RELCH: variants seen among roughly 807,000 people sequenced by gnomAD.
RELCH encodes the protein RAB11-binding protein RELCH.
RELCH carries 41 observed loss-of-function variants against 150.3 expected under a neutral mutation model. The ratio of observed to expected loss-of-function variants is 0.27; its 90% CI spans 0.21 to 0.35. The LOEUF (loss-of-function observed/expected upper bound fraction) is 0.35, where lower values mean the gene tolerates loss of function less well. Ranked by LOEUF, RELCH falls within the 10% of genes least tolerant of loss-of-function variation. RELCH has a pLI of 1.00. For missense variants in RELCH, 1,092 were observed against 1,467.8 expected (o/e 0.74, Z 4.18); for synonymous variants, 478 against 531.8 (o/e 0.90, Z 1.39).
chr18:62,192,990 G>A (rs923536151), intron 1 of RELCH, among the ~76,000 whole-genome samples: 1 of 152,180 alleles, frequency 6.6e-6, no homozygotes, highest in Non-Finnish European at 1.5e-5. Flanking sequence ...CCATTTTCAT[G>A]ATATTGATTC....
chr18:62,286,885 A>G (rs2044831750), intron 25 of RELCH, among the ~76,000 whole-genome samples: 1 of 152,232 alleles, frequency 6.6e-6, no homozygotes, highest in South Asian at 2.1e-4. Context: ...AATTTGAGAA[A>G]CTAAAGCTGA....
At chr18:62,252,621 C>G in intron 11 of RELCH, 43 bp from the exon 12 acceptor site, 1 of 1,468,636 alleles carries the variant, frequency 6.8e-7, no homozygotes, top group Non-Finnish European at 9.5e-7. Flanking sequence ...CCTAGTTGTG[C>G]TTTCTCATGC....
intron 25 of RELCH, among the ~76,000 whole-genome samples, chr18:62,282,689 G>C (rs937135675): frequency 6.6e-6 from 1 of 152,048 alleles, no homozygotes; most frequent in South Asian, 2.1e-4. Flanking sequence ...ACAGAGTCTC[G>C]CTCTGTCACC....
At chr18:62,247,746 C>T (rs2042495802) in intron 11 of RELCH, among the ~76,000 whole-genome samples, 1 of 151,982 alleles carries the variant, frequency 6.6e-6, no homozygotes, top group African/African-American at 2.4e-5. Context: ...AGGGTTTCGT[C>T]TTGTTGCCCA....
At position 62,268,889 on chromosome 18, in the gene RELCH, G is replaced by A; in HGVS notation, c.2701G>A (p.Val901Ile). The part of the protein sequence containing the change: ...ENIDSSAGNG[V>I]LTKATVPIYA... ...TTTAGATTCCTCAGCAGGAAATGGG[G>A]TCCTCACTAAAGCTACAGTCCCCAT... The change falls in exon 20 of 29, where the codon GTC (valine) becomes ATC (isoleucine). Residue 901 changes from valine (V) to isoleucine (I), a missense_variant. This residue lies in a region of RELCH where 707 missense variants were observed against 1,025.4 expected (regional missense o/e 0.69). Coordinates refer to ENST00000644646, the MANE Select transcript of RELCH (RefSeq NM_001346231.2). The A allele has an allele frequency of 6.5e-7, 1 of 1,536,160 alleles. No individual in the cohort carries two copies. Among genetic ancestry groups the A allele is most frequent in the Non-Finnish European group, 8.8e-7 (1 of 1,134,692 alleles).
chr18:62,207,565 C>T (rs557173520), intron 1 of RELCH, among the ~76,000 whole-genome samples: 40 of 152,308 alleles, frequency 2.6e-4, no homozygotes, highest in African/African-American at 9.6e-4. Context: ...TAAGAAACTG[C>T]TAAACTGTAT....
At chr18:62,232,148 G>C (rs752715397) in intron 9 of RELCH, among the ~76,000 whole-genome samples, 184 bp from the exon 10 acceptor site, 3 of 151,604 alleles carry the variant, frequency 2.0e-5, no homozygotes, top group Non-Finnish European at 4.4e-5. Context: ...GTTGATTGGA[G>C]CACTGTTGCT....
chr18:62,276,381 A>T (rs1020974225), intron 22 of RELCH, among the ~76,000 whole-genome samples: 13 of 152,146 alleles, frequency 8.5e-5, no homozygotes, highest in African/African-American at 3.1e-4. Flanking sequence ...TAAACTAATT[A>T]ATGCTTGTAA....
At chr18:62,195,277 A>T (rs1420706261) in intron 1 of RELCH, among the ~76,000 whole-genome samples, 15 of 124,168 alleles carry the variant, frequency 1.2e-4, no homozygotes, top group African/African-American at 5.3e-4. Context: ...ATATACACAC[A>T]CTCTGTGTGT....
At chr18:62,259,288 GTATTA>G (rs2043141054) in intron 15 of RELCH, among the ~76,000 whole-genome samples, 1 of 151,890 alleles carries the variant, frequency 6.6e-6, no homozygotes, top group Non-Finnish European at 1.5e-5. Flanking sequence ...GAGAGGGGAA[GTATTA>G]TAGCATGAAA....
chr18:62,208,562 A>G (rs187267496), intron 1 of RELCH, among the ~76,000 whole-genome samples: 1 of 151,960 alleles, frequency 6.6e-6, no homozygotes, highest in East Asian at 1.9e-4. Context: ...TATATAGGTA[A>G]AGTTGTGTTA....
intron 10 of RELCH, among the ~76,000 whole-genome samples, chr18:62,239,666 G>A (rs73458531): frequency 4.7e-4 from 72 of 151,918 alleles, no homozygotes; most frequent in African/African-American, 1.7e-3. Flanking sequence ...GCACAGTTCC[G>A]GTCTGTCCCC....
At chr18:62,295,738 A>T (rs1044494606) in intron 27 of RELCH, among the ~76,000 whole-genome samples, 1 of 151,688 alleles carries the variant, frequency 6.6e-6, no homozygotes, top group African/African-American at 2.4e-5. Flanking sequence ...TGCCAAGCTA[A>T]TTTTTTGTAT....
chr18:62,243,880 C>A (rs1306597879), intron 10 of RELCH, among the ~76,000 whole-genome samples: 2 of 151,924 alleles, frequency 1.3e-5, no homozygotes, highest in Non-Finnish European at 2.9e-5. Context: ...AGTCATTCTT[C>A]CCTTCTTAAT....
chr18:62,232,311 A>G lies in RELCH; in HGVS notation c.1525-21A>G, dbSNP rs749544307. On this transcript the variant is annotated intron_variant, in intron 9 of 28. Coordinates refer to ENST00000644646, the MANE Select transcript of RELCH (RefSeq NM_001346231.2). ...CAGAAGTTCTCCACTATCATTGTTT[A>G]TTAATTCTTTGGTTTTCTAGGTGTC... The G allele has an allele frequency of 4.6e-6, 7 of 1,513,086 alleles. No homozygotes were observed. The East Asian group carries it at 1.6e-4, about 34-fold the overall frequency. 93.7% of individuals were successfully genotyped at this position (1,513,086 alleles called of 1,614,324 possible). A position where few individuals can be genotyped will look rare whatever the true frequency, so the allele number is the denominator to read the frequency against.
At chr18:62,209,341 C>CT (rs1404934672) in intron 1 of RELCH, among the ~76,000 whole-genome samples, 7 of 152,102 alleles carry the variant, frequency 4.6e-5, no homozygotes, top group Non-Finnish European at 1.0e-4. Flanking sequence ...GTCCAATTTC[C>CT]TTTTTTTACA....
intron 1 of RELCH, among the ~76,000 whole-genome samples, chr18:62,207,790 C>G (rs1180995630): frequency 1.3e-5 from 2 of 152,192 alleles, no homozygotes; most frequent in African/African-American, 4.8e-5. Flanking sequence ...TTTATCACCC[C>G]AAAAGAAACC....
rs569825045 is a variant in RELCH at position 62,229,078 on chromosome 18, G to A, written c.1448+480G>A. On this transcript the variant is annotated intron_variant, in intron 8 of 28. Transcript: ENST00000644646. ...TTCATATGTTTAATTTATATTGGGTGTCAGAACTCGCAGATGACAAAAACC... is the reference window on the plus strand; with the variant it reads ...TTCATATGTTTAATTTATATTGGGTATCAGAACTCGCAGATGACAAAAACC... Among the ~76,000 whole-genome samples, 32 of 152,066 alleles carry A rather than the reference G, an allele frequency of 2.1e-4. No individual in the cohort carries two copies. In the East Asian group the frequency reaches 5.8e-3, roughly 28 times the overall value.
intron 24 of RELCH, 60 bp downstream of exon 24, chr18:62,280,769 A>T: frequency 8.8e-7 from 1 of 1,136,688 alleles, no homozygotes; most frequent in East Asian, 2.4e-5. Context: ...TGATACATGT[A>T]TCTGGTGGTA....
Sources: gnomAD v4.1 joint callset for allele counts (sites outside exome capture counted in the v4.1 genomes callset) on GRCh38, gnomAD v4.1.1 for gene constraint, gnomAD v4.1.1 regional missense constraint, MANE v1.5 for transcripts, NCBI Gene and HGNC (gene_info 2026-07-23, HGNC 2026-07-21) for gene names.